Variants in OTOG observed in about 807,000 individuals in gnomAD.
OTOG encodes otogelin.
In OTOG, 296 loss-of-function variants were observed where a neutral mutation model predicts 313.8. The ratio of observed to expected loss-of-function variants is 0.94; its 90% CI spans 0.86 to 1.04. The LOEUF is 1.04. Ranked by LOEUF, OTOG falls within the 50% of genes least tolerant of loss-of-function variation. The pLI, the probability that OTOG is intolerant of heterozygous loss-of-function variation, is 0.00. For missense variants in OTOG, 3,948 were observed against 3,840.1 expected, an observed-to-expected ratio of 1.03 and a Z score of -0.74; for synonymous variants, 1,533 against 1,554.9, an observed-to-expected ratio of 0.99 and a Z score of 0.33.
At chr11:17,637,590 G>A (rs373627202) in intron 47 of OTOG, among the ~76,000 whole-genome samples, 12 of 152,262 alleles carry the variant, frequency 7.9e-5, no homozygotes, top group East Asian at 5.8e-4. Context: ...TAGACAGTGC[G>A]TGCATGAGCT....
At position 17,572,082 on chromosome 11, in the gene OTOG, C is replaced by T; in HGVS notation, c.1958C>T (p.Ser653Phe). 6.4e-7 allele frequency: 1 copy of T among 1,550,440 alleles called. No homozygotes were observed. Among genetic ancestry groups the T allele is most frequent in the East Asian group, 2.4e-5 (1 of 40,904 alleles). Residue 653 changes from serine to phenylalanine, a missense_variant and splice_region_variant, in exon 18 of 56, where the codon TCT (serine) becomes TTT (phenylalanine). Ser to Phe is a radical substitution (Grantham distance 155, BLOSUM62 -2). Coordinates refer to ENST00000399397, the MANE Select transcript of OTOG (RefSeq NM_001292063.2). ...ATATGGCTGTGACATGGCTGCAGGT[C>T]TCCAGTGGGTGTACCTGAGAGCACC... ...FNGNTQDDFLSPVGVPESTPQ... is the reference protein window; with the variant it reads ...FNGNTQDDFLFPVGVPESTPQ...
At chr11:17,612,558 C>T (rs1853587783) in intron 37 of OTOG, 62 bp from the exon 38 acceptor site, 2 of 1,500,574 alleles carry the variant, frequency 1.3e-6, no homozygotes, top group Non-Finnish European at 1.8e-6. Context: ...GCCCCATCTT[C>T]CTAGGCGGCC....
chr11:17,591,238 T>G (rs1009094671), intron 24 of OTOG, among the ~76,000 whole-genome samples: 3 of 152,224 alleles, frequency 2.0e-5, no homozygotes, highest in African/African-American at 7.2e-5. Flanking sequence ...GCCCATTATT[T>G]ATTGGCTGTG....
At chr11:17,599,400 A>T (rs1460595086) in intron 30 of OTOG, among the ~76,000 whole-genome samples, 2 of 152,086 alleles carry the variant, frequency 1.3e-5, no homozygotes, top group Non-Finnish European at 2.9e-5. Context: ...TTCAACATTC[A>T]TTCGTTTGTT....
At position 17,634,259 on chromosome 11, in the gene OTOG, C is replaced by G; in HGVS notation, c.7458C>G (p.Pro2486=). 1 of 1,550,458 alleles carries G rather than the reference C, an allele frequency of 6.4e-7. No homozygotes were observed. The highest frequency in any genetic ancestry group is 2.4e-5 in the East Asian group (1 of 40,894). ...CCTTGCTCCTACCCACCAAGGACCC[C>G]TGCTGCCTGGGGACTGTCTGTGGTG... ...EVALLLPTKD[P]CCLGTVCVCN... The change falls in exon 44 of 56, where the codon CCC becomes CCG. Residue 2486 remains proline (P), a synonymous_variant. Transcript: ENST00000399397.
chr11:17,608,544 C>A, intron 34 of OTOG, 131 bp downstream of exon 34: 1 of 620,614 alleles, frequency 1.6e-6, no homozygotes, highest in Non-Finnish European at 2.6e-6. Context: ...GTAACTGTGT[C>A]TTTCCGTATA....
At chr11:17,597,580 C>T (rs1350900770) in intron 30 of OTOG, among the ~76,000 whole-genome samples, 1 of 152,098 alleles carries the variant, frequency 6.6e-6, no homozygotes, top group Admixed American at 6.5e-5. Flanking sequence ...ACACACCTAT[C>T]AAGTAAAATC....
At chr11:17,562,387 C>T (rs965012149) in intron 15 of OTOG, among the ~76,000 whole-genome samples, 1 of 151,562 alleles carries the variant, frequency 6.6e-6, no homozygotes, top group Non-Finnish European at 1.5e-5. Context: ...TGAAAAAGTA[C>T]ACCGTTTTTC....
In OTOG at chr11:17,561,718, A is replaced by G; in HGVS notation, c.1555A>G (p.Thr519Ala). 1.3e-6 allele frequency: 2 copies of G among 1,550,360 alleles called. No individual in the cohort carries two copies. The highest frequency in any genetic ancestry group is 1.7e-6 in the Non-Finnish European group (2 of 1,146,936). The change falls in exon 15 of 56, where the codon ACG becomes GCG. Residue 519 changes from threonine (T) to alanine (A), a missense_variant. Coordinates refer to ENST00000399397, the MANE Select transcript of OTOG (RefSeq NM_001292063.2). ...CACAACCTTTGATGGCCGCCGGTAC[A>G]CGTTCCCCGCCACATGTCAGTACAT... Reference protein sequence around the residue: ...HFTTFDGRRYTFPATCQYILA... With the variant: ...HFTTFDGRRYAFPATCQYILA...
At position 17,576,856 on chromosome 11, in the gene OTOG, C is replaced by A. The variant is rs1004907149; in HGVS notation, c.2562-12C>A. ...TGGGTCGGCTAACCCCAGGGCCCGT[C>A]TCTCTCTGCAGCCACTGCAAAGATG... is the stretch of plus-strand genomic sequence containing the variant. On this transcript the variant is annotated splice_polypyrimidine_tract_variant and intron_variant, in intron 21 of 55. Transcript: ENST00000399397. 1.3e-6 allele frequency: 2 copies of A among 1,550,278 alleles called. No individual in the cohort carries two copies. Among genetic ancestry groups the A allele is most frequent in the Non-Finnish European group, 1.7e-6 (2 of 1,146,890 alleles).
At position 17,629,271 on chromosome 11, in the gene OTOG, G is replaced by T. The variant is rs572886375; in HGVS notation, c.6667G>T (p.Val2223Leu). 6 of 1,550,580 alleles carry T rather than the reference G, an allele frequency of 3.9e-6. No individual in the cohort carries two copies. The South Asian group carries it at 5.9e-5, about 15-fold the overall frequency. The change falls in exon 40 of 56, where the codon GTG becomes TTG. Residue 2223 changes from valine (V) to leucine (L), a missense_variant. Val to Leu is a conservative substitution (Grantham distance 32, BLOSUM62 1). Transcript: ENST00000399397. Reference protein sequence around the residue: ...QWLHSSGLMIVEASKTSKAQG... With the variant: ...QWLHSSGLMILEASKTSKAQG... ...GCTCCACAGCTCAGGACTCATGATC[G>T]TGGAGGCCAGCAAAACCAGCAAGGC...
At chr11:17,560,108 A>G (rs1852150071) in intron 12 of OTOG, among the ~76,000 whole-genome samples, 1 of 152,224 alleles carries the variant, frequency 6.6e-6, no homozygotes, top group Non-Finnish European at 1.5e-5. Context: ...TCATTGGTTT[A>G]TGTATACACA....
chr11:17,559,772 G>A (rs1852138934), intron 12 of OTOG, 110 bp downstream of exon 12: 1 of 285,726 alleles, frequency 3.5e-6, no homozygotes, highest in African/African-American at 2.6e-5. Context: ...GGAAGGAAAG[G>A]AGGGAGGGAG....
intron 3 of OTOG, among the ~76,000 whole-genome samples, chr11:17,550,477 G>A (rs1851909053): frequency 6.6e-6 from 1 of 152,172 alleles, no homozygotes; most frequent in Non-Finnish European, 1.5e-5. Context: ...AAATGATTAA[G>A]AGCGCCTGAT....
At chr11:17,568,154 A>G (rs769730637) in intron 15 of OTOG, among the ~76,000 whole-genome samples, 10 of 152,044 alleles carry the variant, frequency 6.6e-5, no homozygotes, top group South Asian at 2.1e-4. Flanking sequence ...TGATCCGCCC[A>G]CCTTGGCCTC....
intron 29 of OTOG, among the ~76,000 whole-genome samples, chr11:17,596,512 A>G (rs1402641239): frequency 2.6e-5 from 4 of 152,314 alleles, no homozygotes; most frequent in East Asian, 3.9e-4. Flanking sequence ...TCAGCACTGC[A>G]TGGCACCCTG....
At chr11:17,557,048 T>C (rs554170627) in intron 7 of OTOG, 70 bp from the exon 8 acceptor site, 1 of 1,453,298 alleles carries the variant, frequency 6.9e-7, no homozygotes, top group African/African-American at 1.4e-5. Flanking sequence ...GACTGGCTGT[T>C]CCTTCGGTGA....
intron 24 of OTOG, among the ~76,000 whole-genome samples, chr11:17,587,550 C>T (rs1303399102): frequency 6.6e-6 from 1 of 152,186 alleles, no homozygotes; most frequent in Non-Finnish European, 1.5e-5. Context: ...AGCATGGCCC[C>T]CAGTCCCTGT....
At chr11:17,581,047 C>T (rs1045062292) in intron 23 of OTOG, among the ~76,000 whole-genome samples, 1 of 152,096 alleles carries the variant, frequency 6.6e-6, no homozygotes, top group Non-Finnish European at 1.5e-5. Flanking sequence ...AGAAACTGGC[C>T]TTGCAGAGGG....
Sources: allele counts gnomAD v4.1 joint callset (sites outside exome capture counted in the v4.1 genomes callset), GRCh38; gene constraint gnomAD v4.1.1; transcripts MANE v1.5; gene names NCBI Gene and HGNC (gene_info 2026-07-23, HGNC 2026-07-21).